UBE2H: variants seen among roughly 807,000 people sequenced by gnomAD.
UBE2H encodes the protein ubiquitin conjugating enzyme E2 H, also known as ubiquitin-conjugating enzyme E2 H.
Under a neutral mutation model 29.0 loss-of-function variants are expected in UBE2H, and 3 were observed. The observed-to-expected ratio is 0.10, with a 90% CI of 0.05 to 0.27. UBE2H has a LOEUF of 0.27. UBE2H is among the 10% of genes least tolerant of loss of function. The pLI is 1.00. For missense variants in UBE2H, 68 were observed against 228.2 expected, an observed-to-expected ratio of 0.30 and a Z score of 4.52; for synonymous variants, 69 against 82.9, an observed-to-expected ratio of 0.83 and a Z score of 0.91.
chr7:129,847,975 T>C (rs1050345153), intron 5 of UBE2H, among the ~76,000 whole-genome samples: 1 of 152,198 alleles, frequency 6.6e-6, no homozygotes, highest in African/African-American at 2.4e-5. Flanking sequence ...CAATATATCA[T>C]TCCAGCCCTG....
At chr7:129,923,992 T>C (rs1584789027) in intron 1 of UBE2H, among the ~76,000 whole-genome samples, 1 of 152,314 alleles carries the variant, frequency 6.6e-6, no homozygotes, top group East Asian at 1.9e-4. Flanking sequence ...ATTCACAGAG[T>C]AGGCCAAAGT....
chr7:129,871,293 A>AT (rs1222069250), intron 3 of UBE2H, among the ~76,000 whole-genome samples: 6 of 152,190 alleles, frequency 3.9e-5, no homozygotes, highest in Admixed American at 3.9e-4. Flanking sequence ...GAAAAATGTT[A>AT]TTTTCAGAAC....
At chr7:129,911,850 C>T (rs1393118369) in intron 1 of UBE2H, among the ~76,000 whole-genome samples, 1 of 151,960 alleles carries the variant, frequency 6.6e-6, no homozygotes, top group Non-Finnish European at 1.5e-5. Context: ...GATATGTTGC[C>T]CAGGCTAATC....
intron 5 of UBE2H, among the ~76,000 whole-genome samples, chr7:129,840,313 A>C (rs909385239): frequency 6.6e-6 from 1 of 152,074 alleles, no homozygotes. Flanking sequence ...CAGTCTTCCA[A>C]GTAAATTGGA....
Position 129,834,801 on chromosome 7 carries a change from TA to T in UBE2H, c.*135del. On this transcript the variant is annotated 3_prime_UTR_variant, in exon 7 of 7. Transcript: ENST00000355621. The stretch of plus-strand genomic sequence containing the variant: ...AAGATCTAAAGGGTGATATATAATA[TA>T]TATATATCAATGCTATTATTCATAA... 1.1e-6 allele frequency: 1 copy of T among 915,474 alleles called. No homozygotes were observed. The highest frequency in any genetic ancestry group is 1.6e-6 in the Non-Finnish European group (1 of 633,648). 56.7% of individuals were successfully genotyped at this position (915,474 alleles called of 1,614,324 possible).
intron 1 of UBE2H, among the ~76,000 whole-genome samples, chr7:129,932,974 C>A (rs990986372): frequency 2.0e-5 from 3 of 152,056 alleles, no homozygotes; most frequent in Non-Finnish European, 2.9e-5. Flanking sequence ...TTACCAAAAA[C>A]CTAAAGAGTA....
At position 129,880,878 on chromosome 7, in the gene UBE2H, C is replaced by A; in HGVS notation, c.130+17G>T. On this transcript the variant is annotated intron_variant, in intron 2 of 6. Coordinates refer to ENST00000355621, the MANE Select transcript of UBE2H (RefSeq NM_003344.4). ...AAAGACTGTAATAGAAGAACACATA[C>A]CAACACATGTACTTACTTCCTTGTG... is the stretch of plus-strand genomic sequence containing the variant. The A allele has an allele frequency of 6.2e-7, 1 of 1,602,498 alleles. No homozygotes were observed. The highest frequency in any genetic ancestry group is 8.5e-7 in the Non-Finnish European group (1 of 1,170,700).
chr7:129,945,390 T>C (rs1377859543), intron 1 of UBE2H, among the ~76,000 whole-genome samples: 1 of 152,194 alleles, frequency 6.6e-6, no homozygotes, highest in Non-Finnish European at 1.5e-5. Flanking sequence ...AATACAAAAT[T>C]ATGCCTAAAT....
At chr7:129,841,186 A>G (rs1584737286) in intron 5 of UBE2H, among the ~76,000 whole-genome samples, 2 of 152,240 alleles carry the variant, frequency 1.3e-5, no homozygotes, top group African/African-American at 2.4e-5. Context: ...GGTCTCTGTC[A>G]TAACTACTCA....
chr7:129,863,760 A>C (rs1039400232), intron 3 of UBE2H, among the ~76,000 whole-genome samples: 4 of 151,868 alleles, frequency 2.6e-5, no homozygotes, highest in African/African-American at 9.7e-5. Flanking sequence ...AACTCTATCA[A>C]GAAACTTTCT....
At chr7:129,900,253 T>C (rs1001425415) in intron 1 of UBE2H, among the ~76,000 whole-genome samples, 1 of 152,238 alleles carries the variant, frequency 6.6e-6, no homozygotes. Flanking sequence ...TACTGTGCTA[T>C]TACAGCATGC....
chr7:129,854,009 T>C (rs1037916349), intron 5 of UBE2H, among the ~76,000 whole-genome samples: 2 of 151,622 alleles, frequency 1.3e-5, no homozygotes, highest in Admixed American at 1.3e-4. Context: ...GCTTTTCAGT[T>C]GAATATTTAT....
At chr7:129,846,029 G>GA (rs1805504591) in intron 5 of UBE2H, among the ~76,000 whole-genome samples, 1 of 152,106 alleles carries the variant, frequency 6.6e-6, no homozygotes, top group Admixed American at 6.5e-5. Flanking sequence ...GAGTTACACT[G>GA]AAAAAAATGT....
At chr7:129,892,612 CA>C (rs1806520385) in intron 1 of UBE2H, among the ~76,000 whole-genome samples, 1 of 152,160 alleles carries the variant, frequency 6.6e-6, no homozygotes, top group Non-Finnish European at 1.5e-5. Context: ...TACTGTACTA[CA>C]AAATACAAGG....
rs186546916 is a variant in UBE2H at position 129,881,506 on chromosome 7, G to T, written c.54-535C>A. 4.2e-4 allele frequency among the ~76,000 whole-genome samples: 64 copies of T among 152,146 alleles called. 1 individual carries two copies. Among genetic ancestry groups the T allele is most frequent in the Admixed American group, 3.4e-3 (52 of 15,266 alleles). ...TACTAAAAAATACAAAAATTACCCA[G>T]GCATGGTGATGCATGCCTGTAGTCC... On this transcript the variant is annotated intron_variant, in intron 1 of 6. Coordinates refer to ENST00000355621, the MANE Select transcript of UBE2H (RefSeq NM_003344.4).
intron 1 of UBE2H, among the ~76,000 whole-genome samples, chr7:129,890,359 A>G (rs914760478): frequency 8.6e-5 from 13 of 151,684 alleles, no homozygotes; most frequent in South Asian, 2.1e-4. Flanking sequence ...GTATATATAC[A>G]CATATATATA....
intron 1 of UBE2H, among the ~76,000 whole-genome samples, chr7:129,931,514 T>A (rs1807399718): frequency 6.6e-6 from 1 of 151,602 alleles, no homozygotes; most frequent in Admixed American, 6.6e-5. Context: ...AAATCATCTT[T>A]AAGAAAAAAA....
At chr7:129,841,073 A>C (rs1439907278) in intron 5 of UBE2H, among the ~76,000 whole-genome samples, 1 of 152,224 alleles carries the variant, frequency 6.6e-6, no homozygotes, top group Non-Finnish European at 1.5e-5. Flanking sequence ...TCTAGACCAA[A>C]ATGTCAGCAG....
chr7:129,868,396 A>G (rs1009050370), intron 3 of UBE2H, among the ~76,000 whole-genome samples: 1 of 150,810 alleles, frequency 6.6e-6, no homozygotes, highest in Non-Finnish European at 1.5e-5. Flanking sequence ...CTGGCTAACA[A>G]GGTGAAACCC....
Sources: allele counts gnomAD v4.1 joint callset (sites outside exome capture counted in the v4.1 genomes callset), GRCh38; gene constraint gnomAD v4.1.1; transcripts MANE v1.5; gene names NCBI Gene and HGNC (gene_info 2026-07-23, HGNC 2026-07-21).